CCDC192: variants seen among roughly 807,000 people sequenced by gnomAD.
CCDC192 encodes the protein coiled-coil domain containing 192.
intron 2 of CCDC192, among the ~76,000 whole-genome samples, chr5:127,749,806 A>G (rs1754024001): frequency 6.6e-6 from 1 of 152,218 alleles, no homozygotes; most frequent in Non-Finnish European, 1.5e-5. Flanking sequence ...TTATTGGTCT[A>G]TTCAGAGATT....
intron 3 of CCDC192, among the ~76,000 whole-genome samples, chr5:127,764,666 C>T (rs537502493): frequency 6.6e-6 from 1 of 151,818 alleles, no homozygotes; most frequent in Non-Finnish European, 1.5e-5. Context: ...CTTCTCTTGG[C>T]CACATTAGAA....
intron 2 of CCDC192, among the ~76,000 whole-genome samples, chr5:127,711,046 T>C (rs1255559424): frequency 6.6e-6 from 1 of 152,148 alleles, no homozygotes; most frequent in Non-Finnish European, 1.5e-5. Context: ...TTGAAGCTGT[T>C]TAGGAAATAA....
At chr5:127,866,699 C>T (rs1029089970) in intron 5 of CCDC192, among the ~76,000 whole-genome samples, 6 of 151,866 alleles carry the variant, frequency 4.0e-5, no homozygotes, top group Non-Finnish European at 8.8e-5. Flanking sequence ...AAACATTCAC[C>T]TACATACTCC....
chr5:127,705,999 G>A (rs982044283), intron 1 of CCDC192, among the ~76,000 whole-genome samples: 1 of 152,098 alleles, frequency 6.6e-6, no homozygotes, highest in Non-Finnish European at 1.5e-5. Flanking sequence ...TTTGGGTGTC[G>A]TGCGAGAAAA....
chr5:127,884,519 A>C (rs1207595130), intron 6 of CCDC192, among the ~76,000 whole-genome samples: 2 of 152,034 alleles, frequency 1.3e-5, no homozygotes, highest in African/African-American at 4.8e-5. Context: ...ACTCCAGGTA[A>C]CAGAGCTTCC....
At chr5:127,872,976 T>A (rs1005030839) in intron 5 of CCDC192, among the ~76,000 whole-genome samples, 9 of 152,318 alleles carry the variant, frequency 5.9e-5, no homozygotes, top group South Asian at 2.1e-4. Flanking sequence ...AATATTTTTT[T>A]AAAAAGAGTT....
At chr5:127,820,201 AC>A (rs1749219145) in intron 5 of CCDC192, among the ~76,000 whole-genome samples, 1 of 152,264 alleles carries the variant, frequency 6.6e-6, no homozygotes, top group Non-Finnish European at 1.5e-5. Context: ...ATTCTTTAAA[AC>A]AATTTTACTC....
chr5:127,895,820 G>A (rs1292968849), intron 6 of CCDC192, among the ~76,000 whole-genome samples: 5 of 150,812 alleles, frequency 3.3e-5, no homozygotes, highest in African/African-American at 9.8e-5. Flanking sequence ...TAGCCTGGGT[G>A]ACAGCCGTAC....
intron 6 of CCDC192, among the ~76,000 whole-genome samples, chr5:127,895,030 G>A (rs1307686158): frequency 6.6e-6 from 1 of 152,146 alleles, no homozygotes; most frequent in African/African-American, 2.4e-5. Flanking sequence ...TACATGTGTA[G>A]GATGTGCAGT....
intron 5 of CCDC192, chr5:127,857,648 G>A (rs1751158321): frequency 6.6e-6 from 1 of 152,200 alleles, no homozygotes; most frequent in African/African-American, 2.4e-5. Context: ...GAAAGCTGTA[G>A]GGCTGGCTGG....
chr5:127,703,483 A>G lies in CCDC192; in HGVS notation c.38A>G (p.Glu13Gly), dbSNP rs1461599693. The change falls in exon 1 of 7, where the codon GAG becomes GGG. Residue 13 changes from glutamate (E) to glycine (G), a missense_variant. Coordinates refer to ENST00000514853, the MANE Select transcript of CCDC192 (RefSeq NM_001317938.2). The stretch of plus-strand genomic sequence containing the variant: ...TATAGCAAGAAATCTGTGGTCCCAG[A>G]GTCTGACACCTCAGAGAGAAGCAGG... ...QCYSKKSVVP[E>G]SDTSERSSMT... The G allele has an allele frequency of 2.5e-6, 1 of 398,912 alleles. No homozygotes were observed. The highest frequency in any genetic ancestry group is 4.4e-5 in the Admixed American group (1 of 22,722). 24.7% of individuals were successfully genotyped at this position (398,912 alleles called of 1,614,324 possible).
intron 5 of CCDC192, among the ~76,000 whole-genome samples, chr5:127,865,017 C>T (rs1225389680): frequency 1.3e-5 from 2 of 151,986 alleles, no homozygotes; most frequent in Non-Finnish European, 2.9e-5. Flanking sequence ...CGTGGTGGCA[C>T]GTGCCTGTAG....
chr5:127,740,054 G>A (rs1171051849), intron 2 of CCDC192: 1 of 152,286 alleles, frequency 6.6e-6, no homozygotes, highest in African/African-American at 2.4e-5. Context: ...AGGAGCTCCT[G>A]GCTTTTAACT....
chr5:127,740,492 TC>T (rs1167058771), intron 2 of CCDC192, among the ~76,000 whole-genome samples: 1 of 152,182 alleles, frequency 6.6e-6, no homozygotes, highest in African/African-American at 2.4e-5. Flanking sequence ...TAAAAGGGTT[TC>T]TCATGAAAAA....
intron 5 of CCDC192, among the ~76,000 whole-genome samples, chr5:127,800,402 C>CAAAAAAAAAAA (rs772597286): frequency 1.1e-4 from 10 of 88,284 alleles, no homozygotes; most frequent in Admixed American, 5.0e-4. Flanking sequence ...AAAAAAAAAA[C>CAAAAAAAAAAA]AACAACAACA....
At chr5:127,840,878 T>C (rs1461176227) in intron 5 of CCDC192, among the ~76,000 whole-genome samples, 1 of 152,198 alleles carries the variant, frequency 6.6e-6, no homozygotes, top group African/African-American at 2.4e-5. Context: ...ACCATGTGGG[T>C]TTTTAAGTTT....
intron 3 of CCDC192, among the ~76,000 whole-genome samples, chr5:127,757,146 G>A (rs983770224): frequency 6.6e-6 from 1 of 152,156 alleles, no homozygotes; most frequent in African/African-American, 2.4e-5. Context: ...GTAGCTCACA[G>A]AGAATAGAAA....
chr5:127,770,310 C>T (rs1408376099), intron 3 of CCDC192, among the ~76,000 whole-genome samples: 1 of 152,190 alleles, frequency 6.6e-6, no homozygotes, highest in Non-Finnish European at 1.5e-5. Flanking sequence ...CTGCAGTGAC[C>T]TTGACAAATA....
intron 2 of CCDC192, among the ~76,000 whole-genome samples, chr5:127,745,800 A>G (rs1346159439): frequency 1.3e-5 from 2 of 152,208 alleles, no homozygotes; most frequent in Non-Finnish European, 2.9e-5. Context: ...ATTCATTTTC[A>G]TTATTAATAC....
Sources: allele counts gnomAD v4.1 joint callset (sites outside exome capture counted in the v4.1 genomes callset), GRCh38; gene constraint gnomAD v4.1.1; transcripts MANE v1.5; gene names NCBI Gene and HGNC (gene_info 2026-07-23, HGNC 2026-07-21).